Variants in MAPKAP1 observed in about 807,000 individuals in gnomAD.
The protein encoded by MAPKAP1 is target of rapamycin complex 2 subunit MAPKAP1.
A neutral mutation model predicts 65.7 loss-of-function variants in MAPKAP1; 20 were observed. The ratio of observed to expected loss-of-function variants is 0.30; its 90% CI spans 0.21 to 0.44. MAPKAP1 has a LOEUF of 0.44. MAPKAP1 is among the 20% of genes least tolerant of loss of function. The pLI is 1.00. For missense variants in MAPKAP1, 423 were observed against 648.0 expected, an observed-to-expected ratio of 0.65 and a Z score of 3.77; for synonymous variants, 222 against 244.3, an observed-to-expected ratio of 0.91 and a Z score of 0.85.
intron 4 of MAPKAP1, among the ~76,000 whole-genome samples, chr9:125,611,158 T>C (rs1258261602): frequency 6.6e-6 from 1 of 152,208 alleles, no homozygotes; most frequent in Non-Finnish European, 1.5e-5. Flanking sequence ...AATTACTGAA[T>C]ACAGGTGCTA....
intron 5 of MAPKAP1, among the ~76,000 whole-genome samples, chr9:125,584,018 G>C (rs372573560): frequency 3.3e-5 from 5 of 151,604 alleles, no homozygotes; most frequent in Non-Finnish European, 5.9e-5. Flanking sequence ...AGCCGAGATC[G>C]CGCCACTGCA....
intron 7 of MAPKAP1, among the ~76,000 whole-genome samples, chr9:125,507,444 C>G (rs1308837305): frequency 6.6e-6 from 1 of 152,206 alleles, no homozygotes; most frequent in East Asian, 1.9e-4. Context: ...CCAGGCGGAA[C>G]ACGTATTTTT....
chr9:125,692,059 T>C (rs1230215586), intron 1 of MAPKAP1, among the ~76,000 whole-genome samples: 1 of 152,182 alleles, frequency 6.6e-6, no homozygotes, highest in African/African-American at 2.4e-5. Flanking sequence ...TTATGCATTG[T>C]TGGAGGAAAT....
At position 125,438,701 on chromosome 9, in the gene MAPKAP1, G is replaced by A; in HGVS notation, c.*186C>T. The A allele has an allele frequency of 1.6e-6, 1 of 642,230 alleles. No individual in the cohort carries two copies. The allele number at this position is 642,230 out of a possible 1,614,324, so 39.8% of individuals were successfully genotyped here. A position where few individuals can be genotyped will look rare whatever the true frequency, so the allele number is the denominator to read the frequency against. ...CTGCCAAGCAGACTTCCGTCCCATG[G>A]CAATGTCCCCAGCGCTCCCTCCTAG... On this transcript the variant is annotated 3_prime_UTR_variant, in exon 12 of 12. Transcript: ENST00000265960.
chr9:125,678,833 A>G (rs1301811462), intron 1 of MAPKAP1, among the ~76,000 whole-genome samples: 4 of 152,150 alleles, frequency 2.6e-5, no homozygotes, highest in Admixed American at 2.6e-4. Flanking sequence ...TTTATTTATA[A>G]TGGCTTATGA....
At chr9:125,539,252 A>C (rs1363555915) in intron 7 of MAPKAP1, among the ~76,000 whole-genome samples, 2 of 152,264 alleles carry the variant, frequency 1.3e-5, no homozygotes, top group Admixed American at 6.5e-5. Context: ...AAGAATCTTC[A>C]GACTAATAAA....
At chr9:125,458,730 G>C (rs1483375437) in intron 10 of MAPKAP1, among the ~76,000 whole-genome samples, 2 of 149,050 alleles carry the variant, frequency 1.3e-5, no homozygotes, top group Non-Finnish European at 3.0e-5. Context: ...TGAGCTGTTG[G>C]GTACACCTCC....
intron 2 of MAPKAP1, 27 bp from the exon 3 acceptor site, chr9:125,669,934 G>T: frequency 2.3e-6 from 3 of 1,317,096 alleles, no homozygotes; most frequent in Non-Finnish European, 3.2e-6. Context: ...ATAACTGTAA[G>T]TTTGTCAATG....
chr9:125,556,051 GTTGT>G (rs1298746499), intron 6 of MAPKAP1, among the ~76,000 whole-genome samples: 1 of 152,210 alleles, frequency 6.6e-6, no homozygotes, highest in African/African-American at 2.4e-5. Flanking sequence ...CTCTCCAAGG[GTTGT>G]TTATTAATAG....
chr9:125,456,624 C>T (rs751821586), intron 10 of MAPKAP1, among the ~76,000 whole-genome samples: 2 of 152,206 alleles, frequency 1.3e-5, no homozygotes, highest in Non-Finnish European at 2.9e-5. Flanking sequence ...TCCTTGCTAG[C>T]ACTCTCTCAC....
At chr9:125,669,435 G>A (rs376056064) in intron 3 of MAPKAP1, among the ~76,000 whole-genome samples, 2 of 152,286 alleles carry the variant, frequency 1.3e-5, no homozygotes, top group East Asian at 1.9e-4. Context: ...AGCCAAGACC[G>A]TGCCATTGCA....
chr9:125,562,389 G>A (rs1830917598), intron 5 of MAPKAP1, among the ~76,000 whole-genome samples: 1 of 152,188 alleles, frequency 6.6e-6, no homozygotes, highest in South Asian at 2.1e-4. Flanking sequence ...AGGAACAGAG[G>A]AAGGAAAAGA....
At position 125,595,617 on chromosome 9, in the gene MAPKAP1, T is replaced by G; in HGVS notation, c.499-9890A>C. On this transcript the variant is annotated intron_variant, in intron 4 of 11. Coordinates refer to ENST00000265960, the MANE Select transcript of MAPKAP1 (RefSeq NM_001006617.3). The surrounding 1 kb of genome is among the most constrained non-coding windows in gnomAD (Gnocchi z 4.0). ...CTATGTTTGTCAGCTTACTCCTTTC[T>G]GCCTGTGGACACGCCAAGGAAGCAT... The G allele has an allele frequency of 7.2e-7, 1 of 1,395,928 alleles. No homozygotes were observed. The highest frequency in any genetic ancestry group is 1.5e-5 in the South Asian group (1 of 65,924). The allele number at this position is 1,395,928 out of a possible 1,614,324, so 86.5% of individuals were successfully genotyped here.
In MAPKAP1 at chr9:125,519,652, T is replaced by TTATATATATATATATATATA. The variant is rs146480033; in HGVS notation, c.959-13255_959-13236dup. On this transcript the variant is annotated intron_variant, in intron 7 of 11. Transcript: ENST00000265960. ...TAATATATATACATATATATGTCTT[T>TTATATATATATATATATATA]TATATATATATATATATATAATTTA... 1.9e-3 allele frequency among the ~76,000 whole-genome samples: 265 copies of TTATATATATATATATATATA among 141,636 alleles called. 3 individuals carry two copies. In the East Asian group the frequency reaches 0.022, roughly 12 times the overall value. The allele number at this position is 141,636 out of a possible 152,430, so 92.9% of individuals were successfully genotyped here.
At chr9:125,625,255 T>TAAA (rs58671780) in intron 4 of MAPKAP1, among the ~76,000 whole-genome samples, 156 of 64,598 alleles carry the variant, frequency 2.4e-3, no homozygotes, top group African/African-American at 3.9e-3. Flanking sequence ...AATAAATAAA[T>TAAA]AAAAAAAAAA....
rs531547630 is a variant in MAPKAP1 at position 125,651,928 on chromosome 9, A to G, written c.498+5723T>C. On this transcript the variant is annotated intron_variant, in intron 4 of 11. Coordinates refer to ENST00000265960, the MANE Select transcript of MAPKAP1 (RefSeq NM_001006617.3). The stretch of plus-strand genomic sequence containing the variant: ...CAGCATTAAGTAAAAGCTGCTTTCT[A>G]GAAACACAGCCAACACTAAAAAGCC... Among the ~76,000 whole-genome samples, 35 of 152,336 alleles carry G rather than the reference A, an allele frequency of 2.3e-4. No individual in the cohort carries two copies. The South Asian group carries it at 7.0e-3, about 31-fold the overall frequency.
At chr9:125,531,782 C>A (rs894821933) in intron 7 of MAPKAP1, among the ~76,000 whole-genome samples, 6 of 152,190 alleles carry the variant, frequency 3.9e-5, no homozygotes, top group Admixed American at 2.6e-4. Context: ...GATCACATAT[C>A]TATCAATCCA....
At chr9:125,650,896 A>G (rs989701324) in intron 4 of MAPKAP1, among the ~76,000 whole-genome samples, 1 of 152,240 alleles carries the variant, frequency 6.6e-6, no homozygotes, top group African/African-American at 2.4e-5. Flanking sequence ...TATAACATGA[A>G]GCAACAGCAA....
At chr9:125,469,210 T>C (rs1160001372) in intron 9 of MAPKAP1, among the ~76,000 whole-genome samples, 3 of 152,062 alleles carry the variant, frequency 2.0e-5, no homozygotes, top group African/African-American at 7.2e-5. Context: ...ATAATTAAAA[T>C]AACCAAATGT....
Sources: gnomAD v4.1 joint callset for allele counts (sites outside exome capture counted in the v4.1 genomes callset) on GRCh38, gnomAD v4.1.1 for gene constraint, Gnocchi (gnomAD v3.1) non-coding constraint, MANE v1.5 for transcripts, NCBI Gene and HGNC (gene_info 2026-07-23, HGNC 2026-07-21) for gene names.